The following CDH23 variants were observed in gnomAD, a reference collection of about 807,000 sequenced individuals.
CDH23 encodes cadherin related 23.
In CDH23, 189 loss-of-function variants were observed where a neutral mutation model predicts 317.1. The ratio of observed to expected loss-of-function variants is 0.60; its 90% CI spans 0.53 to 0.67. The LOEUF is 0.67. CDH23 is among the 30% of genes least tolerant of loss of function. The pLI, the probability that CDH23 is intolerant of heterozygous loss-of-function variation, is 0.00. For missense variants in CDH23, 4,401 were observed against 4,592.4 expected, an observed-to-expected ratio of 0.96 and a Z score of 1.20; for synonymous variants, 1,839 against 1,876.8, an observed-to-expected ratio of 0.98 and a Z score of 0.52.
At chr10:71,660,284 A>G (rs563893775) in intron 14 of CDH23, among the ~76,000 whole-genome samples, 8 of 152,272 alleles carry the variant, frequency 5.3e-5, no homozygotes, top group Non-Finnish European at 7.3e-5. Context: ...TGAATAGGTT[A>G]CTTGTATCAA....
chr10:71,402,706 AGTGTGTGT>A (rs61127679), intron 1 of CDH23, among the ~76,000 whole-genome samples: 23,400 of 148,826 alleles, frequency 0.16, 2,064 homozygotes, highest in East Asian at 0.26. Flanking sequence ...ATTCTTCCTG[AGTGTGTGT>A]GTGTGTGTGT....
chr10:71,532,471 G>T (rs1480057648), intron 6 of CDH23, among the ~76,000 whole-genome samples: 2 of 152,240 alleles, frequency 1.3e-5, no homozygotes, highest in Non-Finnish European at 2.9e-5. Context: ...AACTTGGAGA[G>T]GTGAGTTAAC....
intron 38 of CDH23, chr10:71,760,981 G>A: frequency 6.5e-7 from 1 of 1,549,022 alleles, no homozygotes; most frequent in East Asian, 2.2e-5. Flanking sequence ...AGGCCAGGGA[G>A]GCTTGTCCAG....
At chr10:71,616,231 C>A (rs1861183613) in intron 10 of CDH23, among the ~76,000 whole-genome samples, 1 of 152,234 alleles carries the variant, frequency 6.6e-6, no homozygotes, top group African/African-American at 2.4e-5. Flanking sequence ...GGGGGTCTTC[C>A]CAGCCCAGGC....
chr10:71,527,446 G>T (rs941375088), intron 6 of CDH23, among the ~76,000 whole-genome samples: 1 of 152,262 alleles, frequency 6.6e-6, no homozygotes, highest in Non-Finnish European at 1.5e-5. Flanking sequence ...GAGCAGCCCA[G>T]CCTCCTCCTC....
chr10:71,584,732 G>C (rs1858926401), intron 9 of CDH23, among the ~76,000 whole-genome samples: 1 of 152,196 alleles, frequency 6.6e-6, no homozygotes, highest in Non-Finnish European at 1.5e-5. Flanking sequence ...TGATTAAGCT[G>C]CTTGGCATTT....
chr10:71,428,956 T>A (rs1849242590), intron 1 of CDH23, among the ~76,000 whole-genome samples: 1 of 152,224 alleles, frequency 6.6e-6, no homozygotes, highest in Non-Finnish European at 1.5e-5. Flanking sequence ...TTTTGAGTTT[T>A]AGGGTCTTTT....
In CDH23 at chr10:71,740,951, G is replaced by A. The variant is rs2132846322; in HGVS notation, c.4617+1G>A. 4.3e-6 allele frequency: 7 copies of A among 1,613,950 alleles called. No individual in the cohort carries two copies. Among genetic ancestry groups the A allele is most frequent in the Non-Finnish European group, 5.9e-6 (7 of 1,179,864 alleles). ...TGGATACAATGTCAGTGTGAATGAG[G>A]TGAGGGCAGCCCCGGGGCCCATATA... On this transcript the variant is annotated splice_donor_variant, in intron 37 of 69. Transcript: ENST00000224721. LOFTEE classifies it high-confidence loss of function.
chr10:71,785,826 C>T, intron 44 of CDH23, 88 bp downstream of exon 44: 1 of 842,902 alleles, frequency 1.2e-6, no homozygotes, highest in South Asian at 1.4e-5. Flanking sequence ...GGCAGCATAG[C>T]CAGGCTTAGA....
rs527478295 is a variant in CDH23, at chr10:71,566,363, G to T, written c.430-379G>T. On this transcript the variant is annotated intron_variant, in intron 6 of 69. Coordinates refer to ENST00000224721, the MANE Select transcript of CDH23 (RefSeq NM_022124.6). ...GTGCATGGTCTGTCTGTGAAGGGCT[G>T]CCAGGAGGGAGGCTTGAGGCTGGTC... 2.0e-5 allele frequency among the ~76,000 whole-genome samples: 3 copies of T among 152,238 alleles called. No homozygotes were observed. In the East Asian group the frequency reaches 5.8e-4, roughly 29 times the overall value.
At chr10:71,673,653 C>A (rs1864237424) in intron 14 of CDH23, among the ~76,000 whole-genome samples, 1 of 152,216 alleles carries the variant, frequency 6.6e-6, no homozygotes, top group African/African-American at 2.4e-5. Flanking sequence ...GGATTCAAAC[C>A]CAGCACAGTT....
At chr10:71,635,991 A>C (rs1862250835) in intron 11 of CDH23, among the ~76,000 whole-genome samples, 1 of 151,882 alleles carries the variant, frequency 6.6e-6, no homozygotes. Context: ...AGGACTCTGC[A>C]CTCATGACCT....
intron 9 of CDH23, among the ~76,000 whole-genome samples, chr10:71,603,195 C>T (rs760850031): frequency 2.0e-5 from 3 of 152,158 alleles, no homozygotes; most frequent in African/African-American, 4.8e-5. Flanking sequence ...ACAGACAGCG[C>T]GTGCCCCCTC....
At chr10:71,760,314 C>CATATATATAT (rs71018220) in intron 38 of CDH23, among the ~76,000 whole-genome samples, 1 of 82,418 alleles carries the variant, frequency 1.2e-5, no homozygotes, top group Non-Finnish European at 3.0e-5. Context: ...TATACACACA[C>CATATATATAT]ATATATATAT....
intron 38 of CDH23, chr10:71,750,955 C>CTTCTGA: frequency 2.8e-6 from 1 of 360,152 alleles, no homozygotes. Flanking sequence ...AAGGGCTGGA[C>CTTCTGA]GTTCTGAGAC....
intron 9 of CDH23, among the ~76,000 whole-genome samples, chr10:71,608,307 C>G (rs992999400): frequency 1.6e-4 from 24 of 152,172 alleles, no homozygotes; most frequent in African/African-American, 5.8e-4. Flanking sequence ...AGGTCCCTGA[C>G]GCTGGACCTG....
chr10:71,427,241 G>T (rs1849139164), intron 1 of CDH23, among the ~76,000 whole-genome samples: 2 of 82,058 alleles, frequency 2.4e-5, no homozygotes, highest in Non-Finnish European at 5.3e-5. Context: ...AAGAAAGAAA[G>T]AAAGGGAAAG....
At position 71,459,827 on chromosome 10, in the gene CDH23, GTTC is replaced by G. The variant is rs573050198; in HGVS notation, c.145+13439_145+13441del. 2.6e-5 allele frequency among the ~76,000 whole-genome samples: 4 copies of G among 152,202 alleles called. No homozygotes were observed. The South Asian group carries it at 6.2e-4, about 24-fold the overall frequency. Reference sequence around the variant, plus strand: ...CCCCAGAGCTCCCTGGAGGCAGCCTGTTCTTCTTCATACGGTGGCTCTCCAGGG... The same window carrying G: ...CCCCAGAGCTCCCTGGAGGCAGCCTGTTCTTCATACGGTGGCTCTCCAGGG... On this transcript the variant is annotated intron_variant, in intron 3 of 69. Coordinates refer to ENST00000224721, the MANE Select transcript of CDH23 (RefSeq NM_022124.6).
chr10:71,553,440 G>A lies in CDH23; in HGVS notation c.430-13302G>A, dbSNP rs551610155. Reference sequence around the variant, plus strand: ...ATCACATCACACCGCCTGAAGGGCCGGCAGCAGTAGCCTCAGGATTGGAGA... The same window carrying A: ...ATCACATCACACCGCCTGAAGGGCCAGCAGCAGTAGCCTCAGGATTGGAGA... On this transcript the variant is annotated intron_variant, in intron 6 of 69. Coordinates refer to ENST00000224721, the MANE Select transcript of CDH23 (RefSeq NM_022124.6). Among the ~76,000 whole-genome samples the A allele has an allele frequency of 1.2e-4, 19 of 152,268 alleles. No individual in the cohort carries two copies. The East Asian group carries it at 1.9e-3, about 15-fold the overall frequency.
Sources: gnomAD v4.1 joint callset for allele counts (sites outside exome capture counted in the v4.1 genomes callset) on GRCh38, gnomAD v4.1.1 for gene constraint, MANE v1.5 for transcripts, NCBI Gene and HGNC (gene_info 2026-07-23, HGNC 2026-07-21) for gene names.